FGF7: variants seen among roughly 807,000 people sequenced by gnomAD.
The protein encoded by FGF7 is FGF-7.
FGF7 carries 6 observed loss-of-function variants against 20.5 expected under a neutral mutation model. The ratio of observed to expected loss-of-function variants is 0.29; its 90% CI spans 0.16 to 0.58. FGF7 has a LOEUF of 0.58. Ranked by LOEUF, FGF7 falls within the 20% of genes least tolerant of loss-of-function variation. The pLI is 0.90. For synonymous variants in FGF7, 64 were observed against 74.7 expected (o/e 0.86, Z 0.74); for missense variants, 144 against 228.8 (o/e 0.63, Z 2.39).
chr15:49,455,054 C>T (rs1244044920), intron 2 of FGF7, among the ~76,000 whole-genome samples: 1 of 152,096 alleles, frequency 6.6e-6, no homozygotes, highest in Non-Finnish European at 1.5e-5. Flanking sequence ...TGGGGGATCA[C>T]CTGTATTAGG....
At chr15:49,444,212 T>C (rs1476045664) in intron 2 of FGF7, among the ~76,000 whole-genome samples, 1 of 151,600 alleles carries the variant, frequency 6.6e-6, no homozygotes, top group Non-Finnish European at 1.5e-5. Flanking sequence ...TTCTCCCTCA[T>C]AAGGATTTAT....
chr15:49,439,972 C>G (rs574935537), intron 2 of FGF7, among the ~76,000 whole-genome samples: 10 of 151,854 alleles, frequency 6.6e-5, no homozygotes, highest in African/African-American at 2.4e-4. Flanking sequence ...ATATTGGGGA[C>G]AGGATTCAAA....
At position 49,470,036 on chromosome 15, in the gene FGF7, A is replaced by C. The variant is rs543095194; in HGVS notation, c.287-13115A>C. Among the ~76,000 whole-genome samples, 7 of 152,272 alleles carry C rather than the reference A, an allele frequency of 4.6e-5. No individual in the cohort carries two copies. The East Asian group carries it at 1.2e-3, about 25-fold the overall frequency. ...TAGCTATGCTTTAACATATTTCTTA[A>C]TTCTCTGGTAAAATTTAAGCCCTGC... On this transcript the variant is annotated intron_variant, in intron 2 of 3. Transcript: ENST00000267843.
At chr15:49,435,717 C>T (rs1277493782) in intron 2 of FGF7, among the ~76,000 whole-genome samples, 2 of 151,422 alleles carry the variant, frequency 1.3e-5, no homozygotes, top group Non-Finnish European at 3.0e-5. Context: ...AAATCTATAT[C>T]ATAGTTGCTA....
At chr15:49,466,210 G>A (rs2054253072) in intron 2 of FGF7, among the ~76,000 whole-genome samples, 1 of 152,186 alleles carries the variant, frequency 6.6e-6, no homozygotes, top group Admixed American at 6.5e-5. Context: ...CAGACCTGTT[G>A]GATCAGACTT....
chr15:49,463,094 T>C (rs927772511), intron 2 of FGF7, among the ~76,000 whole-genome samples: 1 of 152,214 alleles, frequency 6.6e-6, no homozygotes, highest in Non-Finnish European at 1.5e-5. Context: ...GTTCACTCTC[T>C]CCCAATCCTG....
intron 2 of FGF7, among the ~76,000 whole-genome samples, chr15:49,466,249 A>T (rs1409831187): frequency 2.6e-5 from 4 of 152,180 alleles, no homozygotes; most frequent in African/African-American, 9.7e-5. Context: ...GAAACCTGAA[A>T]ATCTTTTAGA....
intron 2 of FGF7, among the ~76,000 whole-genome samples, chr15:49,456,560 C>A (rs1026900716): frequency 6.6e-6 from 1 of 152,042 alleles, no homozygotes; most frequent in Non-Finnish European, 1.5e-5. Flanking sequence ...TAAGACTATT[C>A]AAGAATTACT....
intron 2 of FGF7, among the ~76,000 whole-genome samples, chr15:49,429,199 G>A (rs577680511): frequency 3.3e-5 from 5 of 152,010 alleles, no homozygotes; most frequent in South Asian, 2.1e-4. Flanking sequence ...ACATATCTAC[G>A]CAGTCGAACC....
intron 2 of FGF7, among the ~76,000 whole-genome samples, chr15:49,479,188 T>C (rs1317464864): frequency 6.6e-6 from 1 of 152,240 alleles, no homozygotes; most frequent in East Asian, 1.9e-4. Context: ...CAAGGCTAAA[T>C]GGTCAATGTG....
At chr15:49,480,345 C>T (rs1490558714) in intron 2 of FGF7, among the ~76,000 whole-genome samples, 2 of 152,078 alleles carry the variant, frequency 1.3e-5, no homozygotes, top group African/African-American at 2.4e-5. Flanking sequence ...GAGCCTCACT[C>T]CACCCACACT....
At chr15:49,448,874 T>C (rs17400427) in intron 2 of FGF7, among the ~76,000 whole-genome samples, 29,697 of 151,700 alleles carry the variant, frequency 0.2, 3,295 homozygotes, top group Non-Finnish European at 0.25. Flanking sequence ...TCGATTCCAA[T>C]ATTATATTAC....
intron 2 of FGF7, among the ~76,000 whole-genome samples, chr15:49,460,070 C>A (rs1402701409): frequency 6.6e-6 from 1 of 152,152 alleles, no homozygotes; most frequent in Non-Finnish European, 1.5e-5. Context: ...CAACAACAAA[C>A]TTTATGTTTT....
rs2056511671 is a variant in FGF7 at position 49,487,625 on chromosome 15, A to G, written c.*3121A>G. ...CTAGCTGTAGTAAAAGCAATCCTAT[A>G]ACAAGAAAAACTCTAAAACAGTGCC... On this transcript the variant is annotated 3_prime_UTR_variant, in exon 4 of 4. Coordinates refer to ENST00000267843, the MANE Select transcript of FGF7 (RefSeq NM_002009.4). 6.6e-6 allele frequency: 1 copy of G among 151,874 alleles called. No homozygotes were observed. Among genetic ancestry groups the G allele is most frequent in the Admixed American group, 6.6e-5 (1 of 15,204 alleles). 9.4% of individuals were successfully genotyped at this position (151,874 alleles called of 1,614,324 possible).
At chr15:49,465,829 T>C (rs74012386) in intron 2 of FGF7, among the ~76,000 whole-genome samples, 2,609 of 152,314 alleles carry the variant, frequency 0.017, 91 homozygotes, top group African/African-American at 0.06. Flanking sequence ...GAAAACTTGT[T>C]AATTCTTTAA....
chr15:49,429,414 C>T (rs2050399843), intron 2 of FGF7, among the ~76,000 whole-genome samples: 1 of 151,916 alleles, frequency 6.6e-6, no homozygotes, highest in African/African-American at 2.4e-5. Flanking sequence ...TTATGAAGTG[C>T]TAATAAGTTC....
chr15:49,464,016 A>T (rs1385705331), intron 2 of FGF7, among the ~76,000 whole-genome samples: 1 of 152,102 alleles, frequency 6.6e-6, no homozygotes, highest in Non-Finnish European at 1.5e-5. Flanking sequence ...CACTTTTTAA[A>T]ACCTGGCTTT....
chr15:49,467,626 C>T (rs1395438112), intron 2 of FGF7, among the ~76,000 whole-genome samples: 1 of 152,002 alleles, frequency 6.6e-6, no homozygotes, highest in East Asian at 1.9e-4. Flanking sequence ...ATATCCACAC[C>T]TATTCTGATA....
chr15:49,460,536 T>G (rs542419196), intron 2 of FGF7, among the ~76,000 whole-genome samples: 4 of 152,200 alleles, frequency 2.6e-5, no homozygotes, highest in African/African-American at 9.7e-5. Flanking sequence ...TATTTTGACA[T>G]TTCTTCACAG....
Sources: allele counts gnomAD v4.1 joint callset (sites outside exome capture counted in the v4.1 genomes callset), GRCh38; gene constraint gnomAD v4.1.1; transcripts MANE v1.5; gene names NCBI Gene and HGNC (gene_info 2026-07-23, HGNC 2026-07-21).